SLC10A1: variants seen among roughly 807,000 people sequenced by gnomAD.
The protein encoded by SLC10A1 is hepatic sodium/bile acid cotransporter.
SLC10A1 carries 36 observed loss-of-function variants against 20.5 expected under a neutral mutation model. The ratio of observed to expected loss-of-function variants is 1.75; its 90% CI spans 1.34 to 2.32. The LOEUF is 2.32. Among genes scored for constraint, SLC10A1 ranks in the 30% most tolerant of loss-of-function variants. The pLI is 0.00. For synonymous variants in SLC10A1, 188 were observed against 163.6 expected (o/e 1.15, Z -1.14); for missense variants, 545 against 439.1 (o/e 1.24, Z -2.16).
rs1296613479 is a variant in SLC10A1, at chr14:69,775,871, G to A, written c.*411C>T. The A allele has an allele frequency of 6.3e-6, 1 of 158,354 alleles. No individual in the cohort carries two copies. The highest frequency in any genetic ancestry group is 2.4e-5 in the African/African-American group (1 of 41,572). The allele number at this position is 158,354 out of a possible 1,614,324, so 9.8% of individuals were successfully genotyped here. On this transcript the variant is annotated 3_prime_UTR_variant, in exon 5 of 5. Transcript: ENST00000216540. ...TCTGAAGTTTAATTCTACAGCACTT[G>A]TGAGCATTTATTTCTCTTTTGGGTC...
At chr14:69,792,502 C>G (rs1882294717) in intron 1 of SLC10A1, among the ~76,000 whole-genome samples, 1 of 152,202 alleles carries the variant, frequency 6.6e-6, no homozygotes, top group Admixed American at 6.5e-5. Flanking sequence ...CGATCTGCTT[C>G]ACTGTTTTCA....
intron 2 of SLC10A1, among the ~76,000 whole-genome samples, chr14:69,782,905 C>T (rs764500778): frequency 1.3e-5 from 2 of 151,838 alleles, no homozygotes; most frequent in African/African-American, 2.4e-5. Flanking sequence ...CATGTTCTCA[C>T]ATCAGTTGTC....
chr14:69,781,653 T>C (rs1281562385), intron 2 of SLC10A1, among the ~76,000 whole-genome samples: 9 of 152,160 alleles, frequency 5.9e-5, no homozygotes, highest in East Asian at 1.9e-4. Context: ...GTTGAGTCAA[T>C]GAAATGGTGG....
At position 69,775,629 on chromosome 14, in the gene SLC10A1, T is replaced by G. The variant is rs1370309929; in HGVS notation, c.*653A>C. On this transcript the variant is annotated 3_prime_UTR_variant, in exon 5 of 5. Coordinates refer to ENST00000216540, the MANE Select transcript of SLC10A1 (RefSeq NM_003049.4). ...CATTGTGTTAATGTATGTGTTTGTT[T>G]CCTGGTTTTTCCTTGTCAAAAGTTT... The G allele has an allele frequency of 6.6e-6, 1 of 152,230 alleles. No individual in the cohort carries two copies. The highest frequency in any genetic ancestry group is 1.5e-5 in the Non-Finnish European group (1 of 68,046). 9.4% of individuals were successfully genotyped at this position (152,230 alleles called of 1,614,324 possible).
chr14:69,795,278 G>A (rs1330069646), intron 1 of SLC10A1, among the ~76,000 whole-genome samples: 11 of 152,148 alleles, frequency 7.2e-5, no homozygotes, highest in Admixed American at 7.2e-4. Flanking sequence ...TGCCCTCTTT[G>A]TGCCTCTCTT....
chr14:69,778,589 C>G, intron 3 of SLC10A1, 60 bp from the exon 4 acceptor site: 1 of 1,412,844 alleles, frequency 7.1e-7, no homozygotes, highest in Non-Finnish European at 9.6e-7. Context: ...GCAACTTTGT[C>G]CCAGTGCTGC....
chr14:69,782,367 AGTG>A (rs1239730199), intron 2 of SLC10A1, among the ~76,000 whole-genome samples: 2 of 152,224 alleles, frequency 1.3e-5, no homozygotes, highest in Non-Finnish European at 2.9e-5. Flanking sequence ...GGCATTGAGT[AGTG>A]AATGTGCAAC....
At chr14:69,782,350 C>T (rs1178050212) in intron 2 of SLC10A1, among the ~76,000 whole-genome samples, 3 of 152,294 alleles carry the variant, frequency 2.0e-5, no homozygotes, top group South Asian at 2.1e-4. Flanking sequence ...GACTTCATTT[C>T]GTCTGTGGCA....
chr14:69,780,787 C>T (rs1307347249), intron 2 of SLC10A1, among the ~76,000 whole-genome samples: 5 of 152,308 alleles, frequency 3.3e-5, no homozygotes, highest in Middle Eastern at 3.4e-3. Flanking sequence ...TAATGAACTT[C>T]TCAGTTTACC....
chr14:69,779,284 A>G lies in SLC10A1; in HGVS notation c.644T>C (p.Met215Thr), dbSNP rs776794001. The change falls in exon 3 of 5, where the codon ATG becomes ACG. Residue 215 changes from methionine (M) to threonine (T), a missense_variant. Transcript: ENST00000216540. ...LSAINVGKSI[M>T]FAMTPLLIAT... The stretch of plus-strand genomic sequence containing the variant: ...AATCAAGAGTGGTGTCATGGCAAAC[A>G]TGATGCTCTTCCCCACATTGATGGC... The G allele has an allele frequency of 1.1e-5, 17 of 1,614,020 alleles. 1 individual carries two copies. The South Asian group carries it at 1.2e-4, about 11-fold the overall frequency.
rs1883706345 is a variant in SLC10A1, at chr14:69,786,145, C to T, written c.519G>A (p.Gly173=). Residue 173 remains glycine, a synonymous_variant, in exon 2 of 5, where the codon GGG becomes GGA. Coordinates refer to ENST00000216540, the MANE Select transcript of SLC10A1 (RefSeq NM_003049.4). Reference sequence around the variant, plus strand: ...GTGGCCGTTTGGATTTGAGGACGATCCCTATGGTGCAAGGAATGAGAACCA... The same window carrying T: ...GTGGCCGTTTGGATTTGAGGACGATTCCTATGGTGCAAGGAATGAGAACCA... The part of the protein sequence containing the change: ...LVLVLIPCTI[G]IVLKSKRPQY... 6.2e-7 allele frequency: 1 copy of T among 1,614,106 alleles called. No individual in the cohort carries two copies. Among genetic ancestry groups the T allele is most frequent in the African/African-American group, 1.3e-5 (1 of 74,998 alleles).
rs201487740 is a variant in SLC10A1 at position 69,779,230 on chromosome 14, C to G, written c.698G>C (p.Gly233Ala). 34 of 1,613,454 alleles carry G rather than the reference C, an allele frequency of 2.1e-5. No individual in the cohort carries two copies. Among genetic ancestry groups the G allele is most frequent in the Non-Finnish European group, 2.9e-5 (34 of 1,179,858 alleles). The change falls in exon 3 of 5, where the codon GGC (glycine) becomes GCC (alanine). Residue 233 changes from glycine to alanine, a missense_variant. Transcript: ENST00000216540. ...IATSSLMPFI[G>A]FLLGYVLSAL... ...AGAGAGAACATAACCCAGCAGAAAG[C>G]CAATAAAAGGCATCAGGGAGGAGGT...
chr14:69,785,102 A>G (rs1472878674), intron 2 of SLC10A1, among the ~76,000 whole-genome samples: 1 of 152,094 alleles, frequency 6.6e-6, no homozygotes, highest in Non-Finnish European at 1.5e-5. Flanking sequence ...CAGGAGGTCA[A>G]GTCCTTCCTG....
At position 69,797,090 on chromosome 14, in the gene SLC10A1, G is replaced by T. The variant is rs1332984976; in HGVS notation, c.66C>A (p.Pro22=). Residue 22 remains proline (P), a synonymous_variant, in exon 1 of 5, where the codon CCC becomes CCA. Coordinates refer to ENST00000216540, the MANE Select transcript of SLC10A1 (RefSeq NM_003049.4). The part of the protein sequence containing the change: ...FTLPPNFGKR[P]TDLALSVILV... ...GGATGACGCTCAGTGCCAGGTCTGT[G>T]GGGCGCTTGCCAAAGTTGGGTGGCA... The T allele has an allele frequency of 2.5e-6, 4 of 1,614,006 alleles. No homozygotes were observed. In the African/African-American group the frequency reaches 5.3e-5, roughly 22 times the overall value.
chr14:69,779,663 C>T (rs1021684557), intron 2 of SLC10A1, among the ~76,000 whole-genome samples: 4 of 152,158 alleles, frequency 2.6e-5, no homozygotes, highest in African/African-American at 9.7e-5. Flanking sequence ...CTGCACCCAG[C>T]CCATCTTTTT....
In SLC10A1 at chr14:69,788,087, A is replaced by G. The variant is rs191371688; in HGVS notation, c.357-1780T>C. Among the ~76,000 whole-genome samples, 563 of 152,014 alleles carry G rather than the reference A, an allele frequency of 3.7e-3. 3 individuals carry two copies. Among genetic ancestry groups the G allele is most frequent in the Middle Eastern group, 0.014 (4 of 294 alleles). On this transcript the variant is annotated intron_variant, in intron 1 of 4. Transcript: ENST00000216540. ...CAAAGTAGTGGGGGAACTCAAGCTG[A>G]AGCTTCATAGAGGGGTTCTGGAGGG... is the stretch of plus-strand genomic sequence containing the variant.
At chr14:69,779,750 G>A (rs1314079772) in intron 2 of SLC10A1, among the ~76,000 whole-genome samples, 1 of 152,198 alleles carries the variant, frequency 6.6e-6, no homozygotes, top group Admixed American at 6.5e-5. Context: ...GCCAAGCACA[G>A]TTACTGCTTT....
intron 1 of SLC10A1, among the ~76,000 whole-genome samples, chr14:69,793,714 G>A (rs1882327703): frequency 6.6e-6 from 1 of 152,190 alleles, no homozygotes; most frequent in Non-Finnish European, 1.5e-5. Context: ...CATTGGCTCT[G>A]GGCTCTGCTG....
rs201979544 is a variant in SLC10A1, at chr14:69,797,093, G to T, written c.63C>A (p.Arg21=). 1 of 1,614,120 alleles carries T rather than the reference G, an allele frequency of 6.2e-7. No individual in the cohort carries two copies. The highest frequency in any genetic ancestry group is 1.7e-5 in the Admixed American group (1 of 60,026). ...NFTLPPNFGK[R]PTDLALSVIL... is the part of the protein sequence containing the mutation. ...TGACGCTCAGTGCCAGGTCTGTGGGGCGCTTGCCAAAGTTGGGTGGCAGGG... is the reference window on the plus strand; with the variant it reads ...TGACGCTCAGTGCCAGGTCTGTGGGTCGCTTGCCAAAGTTGGGTGGCAGGG... The change falls in exon 1 of 5, where the codon CGC becomes CGA. Residue 21 remains arginine (R), a synonymous_variant. Coordinates refer to ENST00000216540, the MANE Select transcript of SLC10A1 (RefSeq NM_003049.4).
Sources: gnomAD v4.1 joint callset for allele counts (sites outside exome capture counted in the v4.1 genomes callset) on GRCh38, gnomAD v4.1.1 for gene constraint, MANE v1.5 for transcripts, NCBI Gene and HGNC (gene_info 2026-07-23, HGNC 2026-07-21) for gene names.